The following ADAM23 variants were observed in gnomAD, a reference collection of about 807,000 sequenced individuals.
ADAM23 encodes disintegrin and metalloproteinase domain-containing protein 23.
In ADAM23, 33 loss-of-function variants were observed where a neutral mutation model predicts 120.1. The ratio of observed to expected loss-of-function variants is 0.27; its 90% confidence interval spans 0.21 to 0.37. The LOEUF (loss-of-function observed/expected upper bound fraction) is 0.37, where lower values mean the gene tolerates loss of function less well. Ranked by LOEUF, ADAM23 falls within the 10% of genes least tolerant of loss-of-function variation. The probability of loss-of-function intolerance (pLI) is 1.00; values close to 1 mark genes in which losing one functional copy is unlikely to be tolerated. For synonymous variants in ADAM23, 367 were observed against 375.2 expected, an observed-to-expected ratio of 0.98 and a Z score of 0.25; for missense variants, 862 against 1,058.2, an observed-to-expected ratio of 0.81 and a Z score of 2.57.
intron 14 of ADAM23, among the ~76,000 whole-genome samples, chr2:206,566,927 A>G (rs543504541): frequency 1.3e-5 from 2 of 152,276 alleles, no homozygotes; most frequent in South Asian, 4.1e-4. Context: ...AGCCTATTTG[A>G]AGAGGTTTTG....
intron 24 of ADAM23, among the ~76,000 whole-genome samples, chr2:206,604,624 CACATTATTATCTTGTGAT>C (rs765991712): frequency 1.3e-5 from 2 of 152,158 alleles, no homozygotes; most frequent in Non-Finnish European, 2.9e-5. Context: ...ATTTCTCCCT[CACATTATTATCTTGTGAT>C]AAGATAAAGC....
intron 2 of ADAM23, among the ~76,000 whole-genome samples, chr2:206,478,497 A>G (rs1397347923): frequency 6.7e-6 from 1 of 149,762 alleles, no homozygotes; most frequent in Non-Finnish European, 1.5e-5. Context: ...AGATGTTTGA[A>G]TCATAATGAT....
chr2:206,452,255 C>G (rs1201212220), intron 2 of ADAM23, among the ~76,000 whole-genome samples: 2 of 152,204 alleles, frequency 1.3e-5, no homozygotes, highest in African/African-American at 4.8e-5. Flanking sequence ...TTTGATTATT[C>G]TCTTCCATAA....
intron 6 of ADAM23, among the ~76,000 whole-genome samples, chr2:206,545,565 A>G (rs1697380911): frequency 6.6e-6 from 1 of 152,274 alleles, no homozygotes; most frequent in Admixed American, 6.5e-5. Context: ...CTGAACAGAC[A>G]AACTTTTATT....
Position 206,530,900 on chromosome 2 carries a change from T to A in ADAM23, c.525T>A (p.Ser175=). The A allele has an allele frequency of 6.2e-7, 1 of 1,614,014 alleles. No homozygotes were observed. The highest frequency in any genetic ancestry group is 2.2e-5 in the East Asian group (1 of 44,874). ...TCCTTTGTAGTGGTTTGTTGTCTTCTGATTATGTGGAGATTCACTACGAAA... is the reference window on the plus strand; with the variant it reads ...TCCTTTGTAGTGGTTTGTTGTCTTCAGATTATGTGGAGATTCACTACGAAA... ...DLILNNGLLS[S]DYVEIHYENG... Residue 175 remains serine, a synonymous_variant, in exon 4 of 26, where the codon TCT becomes TCA. Coordinates refer to ENST00000264377, the MANE Select transcript of ADAM23 (RefSeq NM_003812.4).
intron 3 of ADAM23, among the ~76,000 whole-genome samples, chr2:206,494,199 A>C (rs1049699818): frequency 1.3e-5 from 2 of 152,200 alleles, no homozygotes; most frequent in South Asian, 4.1e-4. Flanking sequence ...ACCATACTGC[A>C]CATTACATCC....
At chr2:206,589,836 T>A (rs551042246) in intron 21 of ADAM23, among the ~76,000 whole-genome samples, 1 of 152,336 alleles carries the variant, frequency 6.6e-6, no homozygotes, top group Admixed American at 6.5e-5. Flanking sequence ...CTACTTTTAC[T>A]AGAATATATG....
At chr2:206,590,021 G>T (rs80177820) in intron 21 of ADAM23, among the ~76,000 whole-genome samples, 1 of 151,964 alleles carries the variant, frequency 6.6e-6, no homozygotes, top group Non-Finnish European at 1.5e-5. Flanking sequence ...CTTCCAAAAA[G>T]CATCTAGTTA....
intron 3 of ADAM23, among the ~76,000 whole-genome samples, chr2:206,518,807 A>G (rs971467111): frequency 6.6e-6 from 1 of 152,206 alleles, no homozygotes; most frequent in African/African-American, 2.4e-5. Flanking sequence ...TTTACAGCAT[A>G]TAGGCAATAC....
chr2:206,523,429 C>T (rs148391526), intron 3 of ADAM23, among the ~76,000 whole-genome samples: 22 of 152,326 alleles, frequency 1.4e-4, no homozygotes, highest in Non-Finnish European at 2.9e-4. Flanking sequence ...TCTGACTTAA[C>T]GCAAAGCCTC....
intron 3 of ADAM23, among the ~76,000 whole-genome samples, chr2:206,526,525 T>C (rs1025875214): frequency 9.2e-5 from 14 of 152,198 alleles, no homozygotes; most frequent in African/African-American, 3.1e-4. Flanking sequence ...ATTTCTGTTA[T>C]GCCATCTGGA....
chr2:206,526,141 TACACAC>T (rs59684611), intron 3 of ADAM23, among the ~76,000 whole-genome samples: 28,853 of 145,648 alleles, frequency 0.2, 2,888 homozygotes, highest in Admixed American at 0.27. Context: ...TTCCAACAAA[TACACAC>T]ACACACACAC....
chr2:206,508,330 A>C (rs142502986), intron 3 of ADAM23, among the ~76,000 whole-genome samples: 1,592 of 152,202 alleles, frequency 0.01, 19 homozygotes, highest in Non-Finnish European at 0.015. Flanking sequence ...CCGGCCGCCT[A>C]GTTTACTTTT....
chr2:206,605,625 C>T (rs537010526), intron 24 of ADAM23, among the ~76,000 whole-genome samples: 1 of 152,280 alleles, frequency 6.6e-6, no homozygotes, highest in East Asian at 1.9e-4. Flanking sequence ...CAGTTATCCT[C>T]AAATATCTTC....
chr2:206,552,937 G>C (rs534389002), intron 9 of ADAM23, among the ~76,000 whole-genome samples: 13 of 152,202 alleles, frequency 8.5e-5, no homozygotes, highest in Admixed American at 3.9e-4. Flanking sequence ...GAAAGTGCTG[G>C]AATTGCTGGC....
intron 3 of ADAM23, among the ~76,000 whole-genome samples, chr2:206,499,410 G>A (rs1057114721): frequency 1.3e-5 from 2 of 148,798 alleles, no homozygotes; most frequent in Non-Finnish European, 3.0e-5. Context: ...ACCAAACACT[G>A]CATGTTCTCA....
chr2:206,560,610 G>T (rs1391620167), intron 11 of ADAM23, among the ~76,000 whole-genome samples: 2 of 152,060 alleles, frequency 1.3e-5, no homozygotes, highest in South Asian at 2.1e-4. Context: ...CTACTACTAA[G>T]GAAAAAGGGT....
chr2:206,569,652 G>C (rs1197745298), intron 15 of ADAM23, among the ~76,000 whole-genome samples: 1 of 152,206 alleles, frequency 6.6e-6, no homozygotes, highest in Non-Finnish European at 1.5e-5. Flanking sequence ...CCATGTTCTA[G>C]TCAGCCCTTC....
intron 21 of ADAM23, 51 bp from the exon 22 acceptor site, chr2:206,592,566 T>C: frequency 6.4e-7 from 1 of 1,572,970 alleles, no homozygotes; most frequent in Non-Finnish European, 8.6e-7. Context: ...TTTGATTTTT[T>C]GAGCTTGATT....
Sources: gnomAD v4.1 joint callset for allele counts (sites outside exome capture counted in the v4.1 genomes callset) on GRCh38, gnomAD v4.1.1 for gene constraint, MANE v1.5 for transcripts, NCBI Gene and HGNC (gene_info 2026-07-23, HGNC 2026-07-21) for gene names.